Variants in SPRED2 observed in about 807,000 individuals in gnomAD.
SPRED2 encodes the protein sprouty-related, EVH1 domain-containing protein 2.
A neutral mutation model predicts 43.0 loss-of-function variants in SPRED2; 47 were observed. The ratio of observed to expected loss-of-function variants is 1.09; its 90% confidence interval spans 0.87 to 1.40. The LOEUF is 1.40. Among genes scored for constraint, SPRED2 ranks in the 40% most tolerant of loss-of-function variants. SPRED2 has a pLI of 0.00. For synonymous variants in SPRED2, 225 were observed against 225.7 expected, an observed-to-expected ratio of 1.00 and a Z score of 0.03; for missense variants, 561 against 586.4, an observed-to-expected ratio of 0.96 and a Z score of 0.45.
At chr2:65,339,795 G>C (rs1054428219) in intron 2 of SPRED2, among the ~76,000 whole-genome samples, 1 of 151,590 alleles carries the variant, frequency 6.6e-6, no homozygotes, top group African/African-American at 2.4e-5. Context: ...GAGTATGAAA[G>C]GTCCATTGAT....
intron 1 of SPRED2, among the ~76,000 whole-genome samples, chr2:65,373,449 G>C (rs1675174207): frequency 6.6e-6 from 1 of 152,186 alleles, no homozygotes; most frequent in East Asian, 1.9e-4. Context: ...CAGTCCAAAA[G>C]GATGTGGATC....
intron 5 of SPRED2, among the ~76,000 whole-genome samples, chr2:65,314,423 T>G (rs1007344694): frequency 3.3e-5 from 5 of 152,304 alleles, no homozygotes; most frequent in Non-Finnish European, 7.3e-5. Context: ...AGACCGGCAG[T>G]ATTTTCCCTT....
chr2:65,366,479 A>C (rs1674981710), intron 1 of SPRED2: 1 of 1,141,814 alleles, frequency 8.8e-7, no homozygotes, highest in African/African-American at 1.6e-5. Flanking sequence ...GTGGTCCTCT[A>C]CAACTAGGAT....
At chr2:65,314,708 C>T (rs1673187156) in intron 5 of SPRED2, among the ~76,000 whole-genome samples, 1 of 152,220 alleles carries the variant, frequency 6.6e-6, no homozygotes, top group Admixed American at 6.5e-5. Context: ...CACTGGAGTG[C>T]AATACATGTG....
At chr2:65,392,225 A>C in intron 1 of SPRED2, among the ~76,000 whole-genome samples, 1 of 136,684 alleles carries the variant, frequency 7.3e-6, no homozygotes, top group African/African-American at 2.8e-5. Flanking sequence ...TGTCACCTAC[A>C]CTGGAGTGCA....
At position 65,313,760 on chromosome 2, in the gene SPRED2, A is replaced by T. The variant is rs949827587; in HGVS notation, c.998T>A (p.Val333Glu). ...GCTCACCCGGCGGATGCAAGTTCTC[A>T]CGGAGTCGGGCGCGTCCTGGCAGTG... ...RGHCQDAPDS[V>E]RTCIRRVSCM... The change falls in exon 6 of 6, where the codon GTG (valine) becomes GAG (glutamate). Residue 333 changes from valine (V) to glutamate (E), a missense_variant. Physicochemically the swap from Val to Glu is moderately radical, Grantham distance 121 (BLOSUM62 -2). Coordinates refer to ENST00000356388, the MANE Select transcript of SPRED2 (RefSeq NM_181784.3). The T allele has an allele frequency of 1.9e-6, 3 of 1,614,038 alleles. No homozygotes were observed. The African/African-American group carries it at 4.0e-5, about 22-fold the overall frequency.
chr2:65,342,950 A>T (rs531124493), intron 2 of SPRED2, among the ~76,000 whole-genome samples: 33 of 152,148 alleles, frequency 2.2e-4, no homozygotes, highest in East Asian at 5.8e-4. Flanking sequence ...CTGCCTTTTT[A>T]AAAAAAAGTA....
intron 1 of SPRED2, chr2:65,377,648 A>G (rs1409646619): frequency 2.1e-6 from 1 of 471,308 alleles, no homozygotes; most frequent in Admixed American, 2.3e-5. Flanking sequence ...ACCTGAACCC[A>G]GATGCCCAGC....
At chr2:65,362,135 C>T (rs969449451) in intron 1 of SPRED2, among the ~76,000 whole-genome samples, 3 of 152,194 alleles carry the variant, frequency 2.0e-5, no homozygotes, top group Non-Finnish European at 4.4e-5. Flanking sequence ...GATGATGCAG[C>T]TAACTGTCTG....
At chr2:65,401,268 G>A (rs996449518) in intron 1 of SPRED2, among the ~76,000 whole-genome samples, 4 of 151,838 alleles carry the variant, frequency 2.6e-5, no homozygotes, top group South Asian at 4.2e-4. Context: ...GAGCCACTGC[G>A]CCCAGCCCCT....
rs752921726 is a variant in SPRED2, at chr2:65,313,726, C to G, written c.1032G>C (p.Trp344Cys). Reference protein sequence around the residue: ...RTCIRRVSCMWCADSMLYHCM... With the variant: ...RTCIRRVSCMCCADSMLYHCM... ...AGTGATAGAGCATGCTGTCCGCGCA[C>G]CACATGCAGCTCACCCGGCGGATGC... Residue 344 changes from tryptophan to cysteine, a missense_variant, in exon 6 of 6, where the codon TGG (tryptophan) becomes TGC (cysteine). Transcript: ENST00000356388. 6.2e-7 allele frequency: 1 copy of G among 1,614,090 alleles called. No individual in the cohort carries two copies. The highest frequency in any genetic ancestry group is 1.3e-5 in the African/African-American group (1 of 74,936).
At chr2:65,315,058 C>T (rs57624568) in intron 5 of SPRED2, among the ~76,000 whole-genome samples, 3,879 of 152,244 alleles carry the variant, frequency 0.025, 158 homozygotes, top group African/African-American at 0.089. Flanking sequence ...AGGCTGCAAC[C>T]CTGCCTTGTC....
At chr2:65,349,308 C>CAA (rs59019958) in intron 1 of SPRED2, among the ~76,000 whole-genome samples, 14,920 of 83,188 alleles carry the variant, frequency 0.18, 2,210 homozygotes, top group Non-Finnish European at 0.22. Context: ...GACTCTGTCT[C>CAA]AAAAAAAAAA....
intron 1 of SPRED2, among the ~76,000 whole-genome samples, chr2:65,377,234 C>A (rs1258363831): frequency 6.6e-6 from 1 of 152,186 alleles, no homozygotes; most frequent in Non-Finnish European, 1.5e-5. Context: ...CTGTAACCAT[C>A]TAACCATGAT....
chr2:65,353,428 A>G (rs901587800), intron 1 of SPRED2, among the ~76,000 whole-genome samples: 1 of 152,224 alleles, frequency 6.6e-6, no homozygotes, highest in Non-Finnish European at 1.5e-5. Context: ...TTCCTCCATT[A>G]TCATGGAAGA....
intron 1 of SPRED2, among the ~76,000 whole-genome samples, chr2:65,352,320 G>C (rs570792398): frequency 1.3e-5 from 2 of 152,348 alleles, no homozygotes; most frequent in East Asian, 3.9e-4. Flanking sequence ...ATGTACAGAA[G>C]GTGAAAAGTG....
chr2:65,380,459 C>T (rs1675346003), intron 1 of SPRED2, among the ~76,000 whole-genome samples: 1 of 152,030 alleles, frequency 6.6e-6, no homozygotes, highest in Non-Finnish European at 1.5e-5. Context: ...GAACTGCCTT[C>T]GAGGCTAGTC....
At chr2:65,366,566 T>A (rs1674985328) in intron 1 of SPRED2, 1 of 1,548,936 alleles carries the variant, frequency 6.5e-7, no homozygotes, top group Non-Finnish European at 8.7e-7. Flanking sequence ...AAAAATAAAG[T>A]TCATGTAAAC....
At chr2:65,377,649 G>C in intron 1 of SPRED2, 1 of 471,266 alleles carries the variant, frequency 2.1e-6, no homozygotes, top group Admixed American at 2.3e-5. Context: ...CCTGAACCCA[G>C]ATGCCCAGCT....
Sources: gnomAD v4.1 joint callset for allele counts (sites outside exome capture counted in the v4.1 genomes callset) on GRCh38, gnomAD v4.1.1 for gene constraint, MANE v1.5 for transcripts, NCBI Gene and HGNC (gene_info 2026-07-23, HGNC 2026-07-21) for gene names.